PSMG1: variants seen among roughly 807,000 people sequenced by gnomAD.
PSMG1 encodes proteasome assembly chaperone 1, also known as Down syndrome critical region gene 2.
A neutral mutation model predicts 37.2 loss-of-function variants in PSMG1; 23 were observed. The ratio of observed to expected loss-of-function variants is 0.62; its 90% confidence interval spans 0.44 to 0.88. The LOEUF (loss-of-function observed/expected upper bound fraction) is 0.88. Among genes scored for constraint, PSMG1 ranks in the 40% least tolerant of loss-of-function variants. The pLI is 0.00. For synonymous variants in PSMG1, 127 were observed against 128.0 expected, an observed-to-expected ratio of 0.99 and a Z score of 0.05; for missense variants, 340 against 344.2, an observed-to-expected ratio of 0.99 and a Z score of 0.10.
chr21:39,183,025 C>T (rs2030919260), intron 1 of PSMG1: 3 of 532,316 alleles, frequency 5.6e-6, no homozygotes, highest in East Asian at 3.6e-5. Flanking sequence ...CCCTGGACTC[C>T]ACGAAACGCC....
chr21:39,179,838 A>T, intron 4 of PSMG1, 86 bp downstream of exon 4: 1 of 1,099,366 alleles, frequency 9.1e-7, no homozygotes, highest in East Asian at 2.4e-5. Context: ...ATCTGACTGC[A>T]TAAGTTTAAG....
intron 4 of PSMG1, 31 bp from the exon 5 acceptor site, chr21:39,178,678 A>C: frequency 6.4e-7 from 1 of 1,571,526 alleles, no homozygotes; most frequent in Non-Finnish European, 8.7e-7. Flanking sequence ...AATTAAAAAA[A>C]ACATATAATT....
In PSMG1 at chr21:39,174,936, T is replaced by G. The variant is rs2030578151; in HGVS notation, c.*654A>C. On this transcript the variant is annotated 3_prime_UTR_variant, in exon 7 of 7. Transcript: ENST00000331573. Reference sequence around the variant, plus strand: ...CAGATATTACTAAAAAGTGAGGACATACACATTTCTGTTTCATTTTTAGTA... The same window carrying G: ...CAGATATTACTAAAAAGTGAGGACAGACACATTTCTGTTTCATTTTTAGTA... 1 of 152,218 alleles carries G rather than the reference T, an allele frequency of 6.6e-6. No homozygotes were observed. Among genetic ancestry groups the G allele is most frequent in the African/African-American group, 2.4e-5 (1 of 41,454 alleles). The allele number at this position is 152,218 out of a possible 1,614,324, so 9.4% of individuals were successfully genotyped here. A position where few individuals can be genotyped will look rare whatever the true frequency, so the allele number is the denominator to read the frequency against.
Position 39,183,236 on chromosome 21 carries a change from T to G in PSMG1, c.134+16A>C, listed in dbSNP as rs1189468760. The G allele has an allele frequency of 1.3e-6, 2 of 1,570,638 alleles. No homozygotes were observed. The highest frequency in any genetic ancestry group is 1.7e-6 in the Non-Finnish European group (2 of 1,162,044). ...CCAGCTGCGGTGAGCGCGCTGCCCT[T>G]ATCCCGGTGCCTCACCTCTTCCGCG... On this transcript the variant is annotated intron_variant, in intron 1 of 6. Transcript: ENST00000331573.
At chr21:39,179,878 A>C in intron 4 of PSMG1, 46 bp downstream of exon 4, 1 of 1,522,048 alleles carries the variant, frequency 6.6e-7, no homozygotes, top group Non-Finnish European at 8.9e-7. Flanking sequence ...TAAAAAATGA[A>C]AACTCCTGTA....
chr21:39,183,330 T>G lies in PSMG1; in HGVS notation c.56A>C (p.Glu19Ala). ...CCCCTCCTCCTCCTCCTCTTCGTCC[T>G]CAGTCCCAGCTCGGCACGGCGCCTT... ...VVKAPCRAGTEDEEEEEEGRR... is the reference protein window; with the variant it reads ...VVKAPCRAGTADEEEEEEGRR... Residue 19 changes from glutamate to alanine, a missense_variant, in exon 1 of 7, where the codon GAG (glutamate) becomes GCG (alanine). Transcript: ENST00000331573. 6.3e-7 allele frequency: 1 copy of G among 1,577,568 alleles called. No individual in the cohort carries two copies. Among genetic ancestry groups the G allele is most frequent in the Non-Finnish European group, 8.6e-7 (1 of 1,164,348 alleles).
intron 4 of PSMG1, among the ~76,000 whole-genome samples, chr21:39,179,100 G>C (rs1319096806): frequency 6.6e-6 from 1 of 152,112 alleles, no homozygotes; most frequent in Middle Eastern, 3.4e-3. Flanking sequence ...TCATGCTCTC[G>C]CCATGTGATC....
Sources: allele counts gnomAD v4.1 joint callset (sites outside exome capture counted in the v4.1 genomes callset), GRCh38; gene constraint gnomAD v4.1.1; transcripts MANE v1.5; gene names NCBI Gene and HGNC (gene_info 2026-07-23, HGNC 2026-07-21).